Variants in PODXL2 observed in about 807,000 individuals in gnomAD.
PODXL2 encodes the protein podocalyxin-like protein 2.
PODXL2 carries 17 observed loss-of-function variants against 53.4 expected under a neutral mutation model. That is an observed-to-expected ratio of 0.32 (90% CI 0.22 to 0.48). The LOEUF is 0.48. Ranked by LOEUF, PODXL2 falls within the 20% of genes least tolerant of loss-of-function variation. The pLI is 0.99. For synonymous variants in PODXL2, 311 were observed against 306.7 expected (o/e 1.01, Z -0.15); for missense variants, 673 against 760.0 (o/e 0.89, Z 1.35).
At chr3:127,631,622 T>A (rs762215130) in intron 1 of PODXL2, among the ~76,000 whole-genome samples, 63 of 152,286 alleles carry the variant, frequency 4.1e-4, no homozygotes, top group Non-Finnish European at 8.4e-4. Flanking sequence ...ATTCTGAAAT[T>A]TTAAGTCAGG....
chr3:127,646,986 C>T (rs986588698), intron 2 of PODXL2, among the ~76,000 whole-genome samples: 4 of 152,160 alleles, frequency 2.6e-5, no homozygotes, highest in Non-Finnish European at 5.9e-5. Flanking sequence ...TGTTGGGCCT[C>T]AGGTAGAGCT....
intron 2 of PODXL2, among the ~76,000 whole-genome samples, chr3:127,641,271 G>A (rs1403524350): frequency 6.6e-6 from 1 of 152,126 alleles, no homozygotes; most frequent in Non-Finnish European, 1.5e-5. Flanking sequence ...TTGTTCAGGT[G>A]TGATCATAGT....
rs1313938895 is a variant in PODXL2, at chr3:127,660,765, C to T, written c.737C>T (p.Pro246Leu). Reference sequence around the variant, plus strand: ...AGCATGGGGCCCAGCTTGCTGCTGCCTTCAGTCACCCCAACTACAGTGACT... The same window carrying T: ...AGCATGGGGCCCAGCTTGCTGCTGCTTTCAGTCACCCCAACTACAGTGACT... ...ESSMGPSLLLPSVTPTTVTPG... is the reference protein window; with the variant it reads ...ESSMGPSLLLLSVTPTTVTPG... Residue 246 changes from proline to leucine, a missense_variant, in exon 3 of 8, where the codon CCT becomes CTT. Around this residue, in one of 3 missense-constraint regions of PODXL2, gnomAD observed 588 missense variants for 668.3 expected, o/e 0.88. Transcript: ENST00000342480. 6.2e-6 allele frequency: 10 copies of T among 1,614,122 alleles called. No homozygotes were observed. Among genetic ancestry groups the T allele is most frequent in the Non-Finnish European group, 8.5e-6 (10 of 1,179,994 alleles).
chr3:127,661,143 C>A lies in PODXL2; in HGVS notation c.1115C>A (p.Pro372His), dbSNP rs2107543064. The A allele has an allele frequency of 6.2e-7, 1 of 1,613,760 alleles. No individual in the cohort carries two copies. The highest frequency in any genetic ancestry group is 8.5e-7 in the Non-Finnish European group (1 of 1,179,784). ...GQAAEAQSRI[P>H]WDSTQVICKD... ...GCAGCTGAAGCTCAATCCAGGATAC[C>A]CTGGGATTCTACGCAGGTAAAGTGA... The change falls in exon 3 of 8, where the codon CCC (proline) becomes CAC (histidine). Residue 372 changes from proline (P) to histidine (H), a missense_variant. Physicochemically the swap from Pro to His is moderately conservative, Grantham distance 77 (BLOSUM62 -2). Transcript: ENST00000342480.
At position 127,660,813 on chromosome 3, in the gene PODXL2, G is replaced by C; in HGVS notation, c.785G>C (p.Ser262Thr). 6.2e-7 allele frequency: 1 copy of C among 1,614,256 alleles called. No individual in the cohort carries two copies. Among genetic ancestry groups the C allele is most frequent in the Admixed American group, 1.7e-5 (1 of 60,030 alleles). ...ACTCCGGGGGACCAGGACTCCACCA[G>C]CCAAGAGGCAGAGGCCACAGTGCTG... ...TVTPGDQDST[S>T]QEAEATVLPA... The change falls in exon 3 of 8, where the codon AGC becomes ACC. Residue 262 changes from serine (S) to threonine (T), a missense_variant. Ser to Thr is a moderately conservative substitution (Grantham distance 58). Coordinates refer to ENST00000342480, the MANE Select transcript of PODXL2 (RefSeq NM_015720.4).
chr3:127,649,753 A>G (rs1226677236), intron 2 of PODXL2, among the ~76,000 whole-genome samples: 6 of 152,206 alleles, frequency 3.9e-5, no homozygotes, highest in South Asian at 4.1e-4. Flanking sequence ...CCTGGCCAAC[A>G]TGGTGAAACC....
intron 2 of PODXL2, among the ~76,000 whole-genome samples, chr3:127,642,378 G>A (rs111985832): frequency 1.7e-3 from 264 of 151,886 alleles, no homozygotes; most frequent in African/African-American, 5.8e-3. Flanking sequence ...AGGAGAGTTT[G>A]TTTATGAAGC....
At position 127,671,442 on chromosome 3, in the gene PODXL2, C is replaced by A; in HGVS notation, c.1434C>A (p.Ile478=). The change falls in exon 7 of 8, where the codon ATC becomes ATA. Residue 478 remains isoleucine, a synonymous_variant. Transcript: ENST00000342480. ...DIRRSLEEIG[I]QNYSTTSSCQ... is the part of the protein sequence containing the mutation. ...GCCCCTCCCACCCCTAGATTGGCAT[C>A]CAGAACTATTCCACAACCAGCAGCT... 6.2e-7 allele frequency: 1 copy of A among 1,613,940 alleles called. No individual in the cohort carries two copies. Among genetic ancestry groups the A allele is most frequent in the Non-Finnish European group, 8.5e-7 (1 of 1,179,890 alleles).
intron 2 of PODXL2, among the ~76,000 whole-genome samples, chr3:127,645,498 G>A (rs373123393): frequency 4.2e-4 from 64 of 152,362 alleles, no homozygotes; most frequent in African/African-American, 1.4e-3. Flanking sequence ...TGGTTATGCT[G>A]GTGGTGCCCT....
chr3:127,638,607 T>TG (rs2074593182), intron 1 of PODXL2, among the ~76,000 whole-genome samples: 2 of 151,774 alleles, frequency 1.3e-5, no homozygotes, highest in South Asian at 4.2e-4. Context: ...GCCAGCTACT[T>TG]GGGGGGCTGA....
intron 1 of PODXL2, among the ~76,000 whole-genome samples, chr3:127,638,829 G>A (rs908490143): frequency 6.6e-6 from 1 of 152,208 alleles, no homozygotes; most frequent in Non-Finnish European, 1.5e-5. Flanking sequence ...ATGGAAGCCT[G>A]GGGAACACTG....
intron 2 of PODXL2, among the ~76,000 whole-genome samples, chr3:127,655,972 G>A (rs56800582): frequency 0.021 from 3,134 of 152,348 alleles, 105 homozygotes; most frequent in African/African-American, 0.067. Context: ...GTGCAGTGAC[G>A]GGAGGGCCTC....
At chr3:127,662,127 C>T in intron 3 of PODXL2, 110 bp from the exon 4 acceptor site, 1 of 840,090 alleles carries the variant, frequency 1.2e-6, no homozygotes, top group Non-Finnish European at 2.0e-6. Context: ...AATACGCCTC[C>T]ACTGGCCTCC....
intron 2 of PODXL2, among the ~76,000 whole-genome samples, chr3:127,650,913 C>G (rs2074684671): frequency 6.6e-6 from 1 of 152,174 alleles, no homozygotes; most frequent in Non-Finnish European, 1.5e-5. Flanking sequence ...CCCACCTCAG[C>G]CTCCCAAAGT....
At chr3:127,635,908 G>A (rs1235018074) in intron 1 of PODXL2, among the ~76,000 whole-genome samples, 1 of 152,214 alleles carries the variant, frequency 6.6e-6, no homozygotes, top group African/African-American at 2.4e-5. Context: ...TGCTGGTCTT[G>A]TCTGGCTCTC....
At position 127,660,932 on chromosome 3, in the gene PODXL2, G is replaced by A. The variant is rs1333710440; in HGVS notation, c.904G>A (p.Glu302Lys). ...AGCTGGTTTGTCTGGCCAGCACGAGGAGGTGCCGGCCTTGCCTTCATTCCC... is the reference window on the plus strand; with the variant it reads ...AGCTGGTTTGTCTGGCCAGCACGAGAAGGTGCCGGCCTTGCCTTCATTCCC... ...GAAGLSGQHE[E>K]VPALPSFPQT... Residue 302 changes from glutamate to lysine, a missense_variant, in exon 3 of 8, where the codon GAG becomes AAG. Glu to Lys is a moderately conservative substitution (Grantham distance 56). Transcript: ENST00000342480. 10 of 1,614,110 alleles carry A rather than the reference G, an allele frequency of 6.2e-6. No homozygotes were observed. The highest frequency in any genetic ancestry group is 8.5e-6 in the Non-Finnish European group (10 of 1,180,028).
At chr3:127,642,954 C>G (rs2074630057) in intron 2 of PODXL2, among the ~76,000 whole-genome samples, 2 of 152,138 alleles carry the variant, frequency 1.3e-5, no homozygotes, top group Non-Finnish European at 1.5e-5. Context: ...TTGTGAGGTT[C>G]ACACACCATC....
chr3:127,634,550 C>A (rs2074565882), intron 1 of PODXL2, among the ~76,000 whole-genome samples: 1 of 151,020 alleles, frequency 6.6e-6, no homozygotes. Context: ...TGGTTAAACT[C>A]TATCTCTACT....
At position 127,639,393 on chromosome 3, in the gene PODXL2, G is replaced by A. The variant is rs1235509956; in HGVS notation, c.219G>A (p.Gly73=). The A allele has an allele frequency of 6.8e-6, 11 of 1,614,120 alleles. No homozygotes were observed. The highest frequency in any genetic ancestry group is 1.3e-5 in the African/African-American group (1 of 74,956). Residue 73 remains glycine (G), a synonymous_variant, in exon 2 of 8, where the codon GGG becomes GGA. Transcript: ENST00000342480. ...GTGAGACCATGGGCCTGGGAGCTGG[G>A]CTGGGAGCCCCTGGCTCAGGCTTCC... ...EPSETMGLGA[G]LGAPGSGFPS...
Sources: gnomAD v4.1 joint callset for allele counts (sites outside exome capture counted in the v4.1 genomes callset) on GRCh38, gnomAD v4.1.1 for gene constraint, gnomAD v4.1.1 regional missense constraint, MANE v1.5 for transcripts, NCBI Gene and HGNC (gene_info 2026-07-23, HGNC 2026-07-21) for gene names.